NUDCD3: variants seen among roughly 807,000 people sequenced by gnomAD.
NUDCD3 encodes nudC domain-containing protein 3.
NUDCD3 carries 13 observed loss-of-function variants against 39.7 expected under a neutral mutation model. The ratio of observed to expected loss-of-function variants is 0.33; its 90% CI spans 0.21 to 0.52. NUDCD3 has a LOEUF of 0.52. Ranked by LOEUF, NUDCD3 falls within the 20% of genes least tolerant of loss-of-function variation. NUDCD3 has a pLI of 0.96. For missense variants in NUDCD3, 453 were observed against 458.1 expected, an observed-to-expected ratio of 0.99 and a Z score of 0.10; for synonymous variants, 175 against 172.4, an observed-to-expected ratio of 1.02 and a Z score of -0.12.
At chr7:44,409,040 G>A (rs999318816) in intron 3 of NUDCD3, among the ~76,000 whole-genome samples, 4 of 152,178 alleles carry the variant, frequency 2.6e-5, no homozygotes, top group Non-Finnish European at 5.9e-5. Flanking sequence ...TCCTGAGGTG[G>A]CAGATAACAA....
At chr7:44,453,571 G>A (rs11983098) in intron 2 of NUDCD3, among the ~76,000 whole-genome samples, 7 of 151,956 alleles carry the variant, frequency 4.6e-5, no homozygotes, top group African/African-American at 1.5e-4. Flanking sequence ...AGGTTAAAAC[G>A]GTGTTAAGAC....
intron 2 of NUDCD3, among the ~76,000 whole-genome samples, chr7:44,471,438 A>C (rs1288039899): frequency 6.6e-6 from 1 of 152,242 alleles, no homozygotes; most frequent in Non-Finnish European, 1.5e-5. Flanking sequence ...ACAGAGGGCC[A>C]ACTGTACATG....
chr7:44,388,784 C>A (rs931597439), intron 5 of NUDCD3, among the ~76,000 whole-genome samples: 14 of 152,240 alleles, frequency 9.2e-5, no homozygotes, highest in African/African-American at 3.1e-4. Context: ...TGGGCTCCTG[C>A]ATGTCGCTGA....
At chr7:44,402,682 G>A (rs746173137) in intron 4 of NUDCD3, 5 of 456,578 alleles carry the variant, frequency 1.1e-5, no homozygotes, top group Middle Eastern at 3.2e-4. Flanking sequence ...TGAGAGCATC[G>A]TGACCTGCTC....
intron 2 of NUDCD3, among the ~76,000 whole-genome samples, chr7:44,456,633 A>G (rs1444254462): frequency 6.6e-6 from 1 of 152,048 alleles, no homozygotes; most frequent in Non-Finnish European, 1.5e-5. Flanking sequence ...GCACATGCCT[A>G]TGGTCCCAGC....
At chr7:44,462,633 T>G (rs1345484268) in intron 2 of NUDCD3, among the ~76,000 whole-genome samples, 1 of 152,002 alleles carries the variant, frequency 6.6e-6, no homozygotes, top group African/African-American at 2.4e-5. Context: ...AGTTTGGGAG[T>G]GTGTGGGCAG....
intron 2 of NUDCD3, among the ~76,000 whole-genome samples, chr7:44,428,947 T>C (rs1283032118): frequency 6.6e-6 from 1 of 152,216 alleles, no homozygotes; most frequent in East Asian, 1.9e-4. Context: ...CCCATGGGCT[T>C]GTAAACAATG....
rs1798322947 is a variant in NUDCD3 at position 44,382,558 on chromosome 7, T to C, written c.*3453A>G. 1.3e-5 allele frequency: 2 copies of C among 152,394 alleles called. No homozygotes were observed. Among genetic ancestry groups the C allele is most frequent in the African/African-American group, 4.8e-5 (2 of 41,568 alleles). 9.4% of individuals were successfully genotyped at this position (152,394 alleles called of 1,614,324 possible). ...GCAGCAGCCTGGTTTAAATGCCTGT[T>C]CCCCAGACCCCACAGTCAGACGGTA... On this transcript the variant is annotated 3_prime_UTR_variant, in exon 6 of 6. Coordinates refer to ENST00000355451, the MANE Select transcript of NUDCD3 (RefSeq NM_015332.4).
At chr7:44,479,600 G>A (rs1800447012) in intron 2 of NUDCD3, among the ~76,000 whole-genome samples, 1 of 152,086 alleles carries the variant, frequency 6.6e-6, no homozygotes, top group South Asian at 2.1e-4. Context: ...CTTTACTGTA[G>A]TATACAAAAA....
At chr7:44,415,813 T>A (rs1046726213) in intron 3 of NUDCD3, among the ~76,000 whole-genome samples, 3 of 152,292 alleles carry the variant, frequency 2.0e-5, no homozygotes, top group South Asian at 4.1e-4. Context: ...ATTTTATCAG[T>A]TGAGTTGTTG....
chr7:44,468,444 C>A lies in NUDCD3; in HGVS notation c.509+16524G>T. ...GCCAGACAGCTTATCAGTGTCAGAG[C>A]TAGCAACTGAATGCCCGGTCTCTAG... On this transcript the variant is annotated intron_variant, in intron 2 of 5. Coordinates refer to ENST00000355451, the MANE Select transcript of NUDCD3 (RefSeq NM_015332.4). 4.5e-6 allele frequency: 3 copies of A among 665,316 alleles called. No homozygotes were observed. In the South Asian group the frequency reaches 6.0e-5, roughly 13 times the overall value. 41.2% of individuals were successfully genotyped at this position (665,316 alleles called of 1,614,324 possible).
At chr7:44,441,167 C>G (rs1799577027) in intron 2 of NUDCD3, among the ~76,000 whole-genome samples, 1 of 152,134 alleles carries the variant, frequency 6.6e-6, no homozygotes. Flanking sequence ...ATTTACTGCT[C>G]CTGCTGTTTT....
At chr7:44,393,330 C>T (rs1798554958) in intron 4 of NUDCD3, among the ~76,000 whole-genome samples, 1 of 152,166 alleles carries the variant, frequency 6.6e-6, no homozygotes, top group South Asian at 2.1e-4. Context: ...ATGTCATTAC[C>T]ATAAAAACTT....
At chr7:44,408,821 G>C (rs577963416) in intron 3 of NUDCD3, among the ~76,000 whole-genome samples, 1 of 152,196 alleles carries the variant, frequency 6.6e-6, no homozygotes, top group Non-Finnish European at 1.5e-5. Flanking sequence ...CTGGTACAGC[G>C]TAGCAGCCAT....
intron 3 of NUDCD3, among the ~76,000 whole-genome samples, chr7:44,408,335 C>T (rs560751820): frequency 3.3e-5 from 5 of 152,118 alleles, no homozygotes; most frequent in African/African-American, 9.6e-5. Flanking sequence ...AATCTATAAA[C>T]GCAGGAAGAA....
rs553975301 is a variant in NUDCD3 at position 44,438,689 on chromosome 7, C to T, written c.510-10986G>A. 2.2e-3 allele frequency among the ~76,000 whole-genome samples: 338 copies of T among 150,900 alleles called. 3 individuals carry two copies. The highest frequency in any genetic ancestry group is 3.8e-4 in the Non-Finnish European group (26 of 67,846). On this transcript the variant is annotated intron_variant, in intron 2 of 5. Transcript: ENST00000355451. Reference sequence around the variant, plus strand: ...GAAGGGGACTGTAGACTTCTATACACAGCTGGAGGATTTAGTCCCCAGAAC... The same window carrying T: ...GAAGGGGACTGTAGACTTCTATACATAGCTGGAGGATTTAGTCCCCAGAAC...
intron 3 of NUDCD3, among the ~76,000 whole-genome samples, chr7:44,405,132 C>T (rs778012448): frequency 6.6e-6 from 1 of 152,180 alleles, no homozygotes; most frequent in Non-Finnish European, 1.5e-5. Context: ...GAGTATGAGA[C>T]CAACTCCTTT....
At chr7:44,435,347 G>A (rs1417615102) in intron 2 of NUDCD3, among the ~76,000 whole-genome samples, 2 of 152,156 alleles carry the variant, frequency 1.3e-5, no homozygotes, top group African/African-American at 2.4e-5. Flanking sequence ...GTGGGGAACT[G>A]TCAAAGACCA....
At chr7:44,427,522 T>C in intron 3 of NUDCD3, 49 bp downstream of exon 3, 1 of 1,583,870 alleles carries the variant, frequency 6.3e-7, no homozygotes. Flanking sequence ...TGCAACAGCT[T>C]TGACTGGCTT....
Sources: allele counts gnomAD v4.1 joint callset (sites outside exome capture counted in the v4.1 genomes callset), GRCh38; gene constraint gnomAD v4.1.1; transcripts MANE v1.5; gene names NCBI Gene and HGNC (gene_info 2026-07-23, HGNC 2026-07-21).